Variants in GALNT9 observed in about 807,000 individuals in gnomAD.
GALNT9 encodes GalNAc transferase 9.
Under a neutral mutation model 63.1 loss-of-function variants are expected in GALNT9, and 47 were observed. The observed-to-expected ratio is 0.75, with a 90% CI of 0.59 to 0.95. The LOEUF is 0.95. Among genes scored for constraint, GALNT9 ranks in the 40% least tolerant of loss-of-function variants. The pLI, the probability that GALNT9 is intolerant of heterozygous loss-of-function variation, is 0.00. For synonymous variants in GALNT9, 396 were observed against 365.7 expected, an observed-to-expected ratio of 1.08 and a Z score of -0.94; for missense variants, 829 against 874.8, an observed-to-expected ratio of 0.95 and a Z score of 0.66.
chr12:132,212,223 T>C (rs1282034843), intron 6 of GALNT9, among the ~76,000 whole-genome samples: 6 of 132,574 alleles, frequency 4.5e-5, no homozygotes, highest in Non-Finnish European at 9.6e-5. Flanking sequence ...CACCCGGGTC[T>C]GCAGCCCTCA....
rs1876263097 is a variant in GALNT9, at chr12:132,202,769, G to T, written c.1263+736C>A. 2.0e-5 allele frequency among the ~76,000 whole-genome samples: 3 copies of T among 152,154 alleles called. No homozygotes were observed. In the South Asian group the frequency reaches 6.2e-4, roughly 32 times the overall value. ...GGTGGTTCCAGAGACGCTGGGGTGT[G>T]GCGGGATGGGTCGCGGCCACCCGTC... On this transcript the variant is annotated intron_variant, in intron 7 of 10. Transcript: ENST00000328957.
intron 7 of GALNT9, among the ~76,000 whole-genome samples, chr12:132,202,465 T>C (rs1271454059): frequency 2.6e-5 from 4 of 152,350 alleles, no homozygotes; most frequent in African/African-American, 9.6e-5. Flanking sequence ...TCAGGCCGTG[T>C]CACCCACACG....
At chr12:132,274,768 CAT>C (rs1451446769) in intron 2 of GALNT9, 1 of 152,372 alleles carries the variant, frequency 6.6e-6, no homozygotes, top group Non-Finnish European at 1.5e-5. Flanking sequence ...ACCACACACA[CAT>C]GCACACATAA....
Position 132,286,120 on chromosome 12 carries a change from A to C in GALNT9, c.419+130T>G. 2.9e-6 allele frequency: 3 copies of C among 1,035,208 alleles called. No individual in the cohort carries two copies. The highest frequency in any genetic ancestry group is 1.3e-6 in the Non-Finnish European group (1 of 764,468). The allele number at this position is 1,035,208 out of a possible 1,614,324, so 64.1% of individuals were successfully genotyped here. ...TCCCCGGCGGGCGTGGGGGGCGGTC[A>C]CTTCCCTGGCGGGCGTGGGGGCCGC... On this transcript the variant is annotated intron_variant, in intron 2 of 10. Coordinates refer to ENST00000328957, the MANE Select transcript of GALNT9 (RefSeq NM_001122636.2). This position sits in a 1 kb window ranked among gnomAD's most constrained non-coding sequence, Gnocchi z 7.4.
At chr12:132,250,626 CTAAAAATA>C (rs1373956134) in intron 5 of GALNT9, among the ~76,000 whole-genome samples, 1 of 152,172 alleles carries the variant, frequency 6.6e-6, no homozygotes, top group Non-Finnish European at 1.5e-5. Flanking sequence ...TCCATCTCTA[CTAAAAATA>C]CAAAAAATTA....
intron 1 of GALNT9, among the ~76,000 whole-genome samples, chr12:132,301,612 G>A (rs781903349): frequency 6.6e-6 from 1 of 152,244 alleles, no homozygotes; most frequent in East Asian, 1.9e-4. Context: ...CCTGGTGGCC[G>A]CGGAAAAGGA....
At chr12:132,203,427 C>A in intron 7 of GALNT9, 78 bp downstream of exon 7, 2 of 1,424,782 alleles carry the variant, frequency 1.4e-6, no homozygotes, top group Non-Finnish European at 1.9e-6. Context: ...TAGGGGGCCT[C>A]CCTCCGGCCC....
intron 6 of GALNT9, among the ~76,000 whole-genome samples, chr12:132,207,191 C>A (rs1876747107): frequency 6.6e-6 from 1 of 152,222 alleles, no homozygotes; most frequent in Non-Finnish European, 1.5e-5. Context: ...GAGGCTCACA[C>A]CCCTCAGTAT....
rs1352666186 is a variant in GALNT9, at chr12:132,252,186, C to T, written c.960-4159G>A. Among the ~76,000 whole-genome samples, 1 of 152,184 alleles carries T rather than the reference C, an allele frequency of 6.6e-6. No individual in the cohort carries two copies. Among genetic ancestry groups the T allele is most frequent in the Non-Finnish European group, 1.5e-5 (1 of 68,028 alleles). ...AGGCCACACTCCTGCCTAGGACTGTCCCATTGAAGCTCAGGTGCTTCAACT... is the reference window on the plus strand; with the variant it reads ...AGGCCACACTCCTGCCTAGGACTGTTCCATTGAAGCTCAGGTGCTTCAACT... On this transcript the variant is annotated intron_variant, in intron 5 of 10. Transcript: ENST00000328957. The surrounding 1 kb of genome is among the most constrained non-coding windows in gnomAD (Gnocchi z 5.2).
At chr12:132,241,987 C>A (rs2136902830) in intron 6 of GALNT9, among the ~76,000 whole-genome samples, 20 of 9,604 alleles carry the variant, frequency 2.1e-3, no homozygotes, top group Admixed American at 4.9e-3. Context: ...ACCCCCTTCC[C>A]GGGGCCCTCC....
intron 2 of GALNT9, among the ~76,000 whole-genome samples, chr12:132,269,204 G>C (rs565602275): frequency 6.6e-6 from 1 of 151,708 alleles, no homozygotes; most frequent in South Asian, 2.1e-4. Flanking sequence ...GGGAGGCGTC[G>C]GGAGGCAGCG....
intron 1 of GALNT9, among the ~76,000 whole-genome samples, chr12:132,288,505 C>G (rs1014683508): frequency 1.3e-5 from 2 of 152,274 alleles, no homozygotes; most frequent in African/African-American, 4.8e-5. Flanking sequence ...GCAGGCACAG[C>G]AGCTTCTAAC....
chr12:132,326,602 C>T (rs1481477816), intron 1 of GALNT9, among the ~76,000 whole-genome samples: 1 of 152,224 alleles, frequency 6.6e-6, no homozygotes, highest in African/African-American at 2.4e-5. Flanking sequence ...CTTCCTTCCA[C>T]CAGGCCCCTC....
rs541260199 is a variant in GALNT9 at position 132,314,948 on chromosome 12, A to T, written c.238+14018T>A. ...ATCTGCCGAAGCAGCGCCATCACTT[A>T]TCAAGCGCGACCGGGTGCCGGGCGC... is the stretch of plus-strand genomic sequence containing the variant. On this transcript the variant is annotated intron_variant, in intron 1 of 10. Coordinates refer to ENST00000328957, the MANE Select transcript of GALNT9 (RefSeq NM_001122636.2). Among the ~76,000 whole-genome samples, 12 of 152,322 alleles carry T rather than the reference A, an allele frequency of 7.9e-5. No homozygotes were observed. In the East Asian group the frequency reaches 1.9e-3, roughly 24 times the overall value.
chr12:132,321,986 G>A (rs1304950825), intron 1 of GALNT9, among the ~76,000 whole-genome samples: 5 of 61,132 alleles, frequency 8.2e-5, no homozygotes, highest in Admixed American at 2.0e-4. Context: ...CGGCCCCCAA[G>A]GGGCGTCCTC....
At chr12:132,205,232 C>T (rs1490032806) in intron 6 of GALNT9, 1 of 152,222 alleles carries the variant, frequency 6.6e-6, no homozygotes, top group Admixed American at 6.5e-5. Flanking sequence ...CCTGTCAGCC[C>T]AGCCCACCCC....
At position 132,248,023 on chromosome 12, in the gene GALNT9, G is replaced by A; in HGVS notation, c.964C>T (p.Pro322Ser). The A allele has an allele frequency of 5.2e-6, 8 of 1,550,120 alleles. No individual in the cohort carries two copies. The highest frequency in any genetic ancestry group is 7.0e-6 in the Non-Finnish European group (8 of 1,146,178). The change falls in exon 6 of 11, where the codon CCA (proline) becomes TCA (serine). Residue 322 changes from proline (P) to serine (S), a missense_variant. Transcript: ENST00000328957. Reference protein sequence around the residue: ...RGDESAPIRTPAMIGCSFVVD... With the variant: ...RGDESAPIRTSAMIGCSFVVD... The stretch of plus-strand genomic sequence containing the variant: ...ACGAAGGAGCAGCCGATCATGGCTG[G>A]GGTCCTGGGAGGCAGAGACAGCGGC...
At chr12:132,260,063 T>TGCCTGGGTGCGGGGAACACACCCTGAGC (rs1879316738) in intron 4 of GALNT9, among the ~76,000 whole-genome samples, 1 of 151,940 alleles carries the variant, frequency 6.6e-6, no homozygotes, top group African/African-American at 2.4e-5. Context: ...CCCAGTGCAC[T>TGCCTGGGTGCGGGGAACACACCCTGAGC]ATGGACCCCG....
In GALNT9 at chr12:132,245,087, AAGAC is replaced by A. The variant is rs1269764148; in HGVS notation, c.1077+2819_1077+2822del. ...GTGCCTTGTCAGGGGATGAAGGTGA[AAGAC>A]AGAACCCGCGGTGACACAGGCTCCC... is the stretch of plus-strand genomic sequence containing the variant. On this transcript the variant is annotated intron_variant, in intron 6 of 10. Transcript: ENST00000328957. This position sits in a 1 kb window ranked among gnomAD's most constrained non-coding sequence, Gnocchi z 6.3. Among the ~76,000 whole-genome samples the A allele has an allele frequency of 2.0e-5, 3 of 151,866 alleles. No individual in the cohort carries two copies. The highest frequency in any genetic ancestry group is 4.8e-5 in the African/African-American group (2 of 41,298).
Sources: gnomAD v4.1 joint callset for allele counts (sites outside exome capture counted in the v4.1 genomes callset) on GRCh38, gnomAD v4.1.1 for gene constraint, Gnocchi (gnomAD v3.1) non-coding constraint, MANE v1.5 for transcripts, NCBI Gene and HGNC (gene_info 2026-07-23, HGNC 2026-07-21) for gene names.